The following LPCAT1 variants were observed in gnomAD, a reference collection of about 807,000 sequenced individuals.
LPCAT1 encodes the protein 1-acylglycerol-3-phosphate O-acyltransferase.
A neutral mutation model predicts 60.9 loss-of-function variants in LPCAT1; 23 were observed. That is an observed-to-expected ratio of 0.38 (90% CI 0.27 to 0.53). LPCAT1 has a LOEUF of 0.53. LPCAT1 is among the 20% of genes least tolerant of loss of function. The probability of loss-of-function intolerance (pLI) is 0.82; values close to 1 mark genes in which losing one functional copy is unlikely to be tolerated. For missense variants in LPCAT1, 622 were observed against 723.6 expected, an observed-to-expected ratio of 0.86 and a Z score of 1.61; for synonymous variants, 340 against 301.1, an observed-to-expected ratio of 1.13 and a Z score of -1.34.
intron 3 of LPCAT1, among the ~76,000 whole-genome samples, 186 bp downstream of exon 3, chr5:1,494,513 AG>A (rs561014601): frequency 7.3e-5 from 11 of 150,596 alleles, no homozygotes; most frequent in East Asian, 2.0e-4. Flanking sequence ...CATTCCCAGA[AG>A]GGGGGGTCCC....
chr5:1,493,751 C>T (rs551022673), intron 3 of LPCAT1, among the ~76,000 whole-genome samples: 1 of 152,248 alleles, frequency 6.6e-6, no homozygotes, highest in African/African-American at 2.4e-5. Flanking sequence ...ACAGTCCTCC[C>T]AGAGCAGTGG....
Position 1,487,552 on chromosome 5 carries a change from A to G in LPCAT1, c.667+839T>C, listed in dbSNP as rs1397306975. ...GGCACACGTAGGTGAGTGACTGCAC[A>G]CTTTCTCGACCCAGCTCCCATAAAT... On this transcript the variant is annotated intron_variant, in intron 5 of 13. Transcript: ENST00000283415. The surrounding 1 kb of genome is among the most constrained non-coding windows in gnomAD (Gnocchi z 6.1). Among the ~76,000 whole-genome samples the G allele has an allele frequency of 1.3e-5, 2 of 152,048 alleles. No individual in the cohort carries two copies. The highest frequency in any genetic ancestry group is 2.9e-5 in the Non-Finnish European group (2 of 68,004).
intron 1 of LPCAT1, among the ~76,000 whole-genome samples, chr5:1,508,376 AGGG>A (rs1430333131): frequency 2.6e-5 from 4 of 152,162 alleles, no homozygotes; most frequent in Non-Finnish European, 4.4e-5. Flanking sequence ...TATTTGGAGA[AGGG>A]GCTGTTAGAG....
At chr5:1,465,815 T>G (rs1002689374) in intron 13 of LPCAT1, among the ~76,000 whole-genome samples, 1 of 150,880 alleles carries the variant, frequency 6.6e-6, no homozygotes, top group East Asian at 2.0e-4. Context: ...AGCACGCACA[T>G]GCGTGCACAC....
rs753834210 is a variant in LPCAT1, at chr5:1,501,516, C to T, written c.223G>A (p.Ala75Thr). 2.6e-5 allele frequency: 42 copies of T among 1,613,734 alleles called. No individual in the cohort carries two copies. The highest frequency in any genetic ancestry group is 1.7e-4 in the Middle Eastern group (1 of 6,050). ...MLLAWPLALVASLGSAEKEPE... is the reference protein window; with the variant it reads ...MLLAWPLALVTSLGSAEKEPE... ...TCCTTCTCCGCAGAGCCCAGGGATG[C>T]GACAAGTGCGAGGGGCCAGGCCAGC... Residue 75 changes from alanine (A) to threonine (T), a missense_variant, in exon 2 of 14, where the codon GCA becomes ACA. Coordinates refer to ENST00000283415, the MANE Select transcript of LPCAT1 (RefSeq NM_024830.5).
At position 1,477,544 on chromosome 5, in the gene LPCAT1, T is replaced by G. The variant is rs576190921; in HGVS notation, c.817-58A>C. On this transcript the variant is annotated intron_variant, in intron 8 of 13. Coordinates refer to ENST00000283415, the MANE Select transcript of LPCAT1 (RefSeq NM_024830.5). This position sits in a 1 kb window ranked among gnomAD's most constrained non-coding sequence, Gnocchi z 6.0. ...AAGACGCTGACCTCAGCAACACCACTGTAACGACAACTGGGAGGCTGACAA... is the reference window on the plus strand; with the variant it reads ...AAGACGCTGACCTCAGCAACACCACGGTAACGACAACTGGGAGGCTGACAA... 8.6e-6 allele frequency: 11 copies of G among 1,278,516 alleles called. No homozygotes were observed. The highest frequency in any genetic ancestry group is 1.2e-5 in the Non-Finnish European group (11 of 890,216). The allele number at this position is 1,278,516 out of a possible 1,614,324, so 79.2% of individuals were successfully genotyped here.
intron 13 of LPCAT1, among the ~76,000 whole-genome samples, chr5:1,465,799 AAAAG>A (rs1419998910): frequency 4.6e-5 from 7 of 151,516 alleles, no homozygotes; most frequent in South Asian, 2.1e-4. Context: ...TTTCAATACT[AAAAG>A]AAGCACGCAC....
In LPCAT1 at chr5:1,488,457, A is replaced by G. The variant is rs112036592; in HGVS notation, c.607-6T>C. 27 of 1,583,740 alleles carry G rather than the reference A, an allele frequency of 1.7e-5. 1 individual carries two copies. The African/African-American group carries it at 2.2e-4, about 13-fold the overall frequency. The stretch of plus-strand genomic sequence containing the variant: ...CCTTCTGGAAAAATCATTATCTGGA[A>G]GTGGGAGAAAGAAAAGGATCAGCAT... On this transcript the variant is annotated splice_polypyrimidine_tract_variant and splice_region_variant and intron_variant, in intron 4 of 13. Coordinates refer to ENST00000283415, the MANE Select transcript of LPCAT1 (RefSeq NM_024830.5).
Position 1,474,561 on chromosome 5 carries a change from C to G in LPCAT1, c.1024G>C (p.Gly342Arg), listed in dbSNP as rs763843755. The change falls in exon 10 of 14, where the codon GGG becomes CGG. Residue 342 changes from glycine to arginine, a missense_variant and splice_region_variant. Physicochemically the swap from Gly to Arg is moderately radical, Grantham distance 125. Coordinates refer to ENST00000283415, the MANE Select transcript of LPCAT1 (RefSeq NM_024830.5). Reference sequence around the variant, plus strand: ...AAGGAAGAAGAACCAGGTACTCACCCGAGGCCCCGCACGAGCCTGGCAAAT... The same window carrying G: ...AAGGAAGAAGAACCAGGTACTCACCGGAGGCCCCGCACGAGCCTGGCAAAT... Reference protein sequence around the residue: ...LEFARLVRGLGLKPEKLEKDL... With the variant: ...LEFARLVRGLRLKPEKLEKDL... 14 of 1,613,754 alleles carry G rather than the reference C, an allele frequency of 8.7e-6. No individual in the cohort carries two copies. The highest frequency in any genetic ancestry group is 1.2e-5 in the Non-Finnish European group (14 of 1,179,900).
At position 1,473,951 on chromosome 5, in the gene LPCAT1, C is replaced by A; in HGVS notation, c.1179+6G>T. ...GACACCCCGCTCCGCAGGCGACAGGCCCTACCTCGTCGAACAGTGAAAACA... is the reference window on the plus strand; with the variant it reads ...GACACCCCGCTCCGCAGGCGACAGGACCTACCTCGTCGAACAGTGAAAACA... On this transcript the variant is annotated splice_donor_region_variant and intron_variant, in intron 11 of 13. Coordinates refer to ENST00000283415, the MANE Select transcript of LPCAT1 (RefSeq NM_024830.5). 6.2e-7 allele frequency: 1 copy of A among 1,613,956 alleles called. No homozygotes were observed. Among genetic ancestry groups the A allele is most frequent in the South Asian group, 1.1e-5 (1 of 91,036 alleles).
At chr5:1,474,719 C>T in intron 9 of LPCAT1, 34 bp from the exon 10 acceptor site, 1 of 1,597,036 alleles carries the variant, frequency 6.3e-7, no homozygotes, top group Non-Finnish European at 8.6e-7. Context: ...TCAGCCCAGC[C>T]TCGTGGCAGC....
chr5:1,464,130 G>C (rs927532483), intron 13 of LPCAT1, among the ~76,000 whole-genome samples: 1 of 152,198 alleles, frequency 6.6e-6, no homozygotes, highest in African/African-American at 2.4e-5. Context: ...ATATCCCGGG[G>C]ACTTAGCACT....
intron 13 of LPCAT1, among the ~76,000 whole-genome samples, chr5:1,466,146 AG>A (rs1263193459): frequency 6.6e-6 from 1 of 152,226 alleles, no homozygotes. Flanking sequence ...TTCACACTGC[AG>A]GGGAGGGAGG....
rs372250395 is a variant in LPCAT1 at position 1,514,632 on chromosome 5, G to A, written c.135+9078C>T. ...TGCACCCTACGCCGCCAGGCACGCC[G>A]CCAGGCCGAGGTCTGCAGCAGCATT... On this transcript the variant is annotated intron_variant, in intron 1 of 13. Coordinates refer to ENST00000283415, the MANE Select transcript of LPCAT1 (RefSeq NM_024830.5). Among the ~76,000 whole-genome samples, 8 of 152,268 alleles carry A rather than the reference G, an allele frequency of 5.3e-5. No homozygotes were observed. In the South Asian group the frequency reaches 1.0e-3, roughly 20 times the overall value.
At chr5:1,482,887 C>T (rs887205982) in intron 6 of LPCAT1, among the ~76,000 whole-genome samples, 4 of 152,204 alleles carry the variant, frequency 2.6e-5, no homozygotes, top group African/African-American at 9.7e-5. Context: ...GGACCCCAAA[C>T]ACCTTCTTAA....
chr5:1,521,386 G>T lies in LPCAT1; in HGVS notation c.135+2324C>A. ...TGGGAACTTAGCTGGGTTTCTGCGG[G>T]TTCTTGAGTGTGTCAGCCACTACTG... On this transcript the variant is annotated intron_variant, in intron 1 of 13. Transcript: ENST00000283415. The surrounding 1 kb of genome is among the most constrained non-coding windows in gnomAD (Gnocchi z 4.3). 1 of 985,436 alleles carries T rather than the reference G, an allele frequency of 1.0e-6. No individual in the cohort carries two copies. The highest frequency in any genetic ancestry group is 4.7e-5 in the South Asian group (1 of 21,284). The allele number at this position is 985,436 out of a possible 1,614,324, so 61.0% of individuals were successfully genotyped here. A position where few individuals can be genotyped will look rare whatever the true frequency, so the allele number is the denominator to read the frequency against.
At chr5:1,509,167 C>G (rs1736278306) in intron 1 of LPCAT1, among the ~76,000 whole-genome samples, 1 of 152,394 alleles carries the variant, frequency 6.6e-6, no homozygotes, top group East Asian at 1.9e-4. Context: ...CGCCCGGAGA[C>G]TCGAAGGCCG....
chr5:1,501,064 G>C (rs36985), intron 2 of LPCAT1, among the ~76,000 whole-genome samples: 39,639 of 152,166 alleles, frequency 0.26, 6,118 homozygotes, highest in Non-Finnish European at 0.34. Context: ...TCTGAGGTGG[G>C]AGGGGTAAGG....
Position 1,521,550 on chromosome 5 carries a change from C to T in LPCAT1, c.135+2160G>A. 4 of 905,640 alleles carry T rather than the reference C, an allele frequency of 4.4e-6. No homozygotes were observed. Among genetic ancestry groups the T allele is most frequent in the Non-Finnish European group, 5.3e-6 (4 of 757,318 alleles). The allele number at this position is 905,640 out of a possible 1,614,324, so 56.1% of individuals were successfully genotyped here. ...ATGCTTGGTGAAAAGCAAAATGTTT[C>T]TGCAGAGAACTTTGAGAACGTTTAC... On this transcript the variant is annotated intron_variant, in intron 1 of 13. Coordinates refer to ENST00000283415, the MANE Select transcript of LPCAT1 (RefSeq NM_024830.5). The surrounding 1 kb of genome is among the most constrained non-coding windows in gnomAD (Gnocchi z 4.3).
Sources: gnomAD v4.1 joint callset for allele counts (sites outside exome capture counted in the v4.1 genomes callset) on GRCh38, gnomAD v4.1.1 for gene constraint, Gnocchi (gnomAD v3.1) non-coding constraint, MANE v1.5 for transcripts, NCBI Gene and HGNC (gene_info 2026-07-23, HGNC 2026-07-21) for gene names.